Variants in KIF26B observed in about 807,000 individuals in gnomAD.
The protein encoded by KIF26B is kinesin family member 26B, also known as kinesin-like protein KIF26B.
In KIF26B, 63 loss-of-function variants were observed where a neutral mutation model predicts 151.2. The observed-to-expected ratio is 0.42, with a 90% confidence interval of 0.34 to 0.51. The LOEUF is 0.51. Among genes scored for constraint, KIF26B ranks in the 20% least tolerant of loss-of-function variants. The probability of loss-of-function intolerance (pLI) is 0.07; values close to 1 mark genes in which losing one functional copy is unlikely to be tolerated. For missense variants in KIF26B, 2,813 were observed against 2,913.6 expected (o/e 0.97, Z 0.79); for synonymous variants, 1,357 against 1,262.1 (o/e 1.08, Z -1.59).
chr1:245,607,234 C>T (rs888721927), intron 6 of KIF26B, among the ~76,000 whole-genome samples: 1 of 152,042 alleles, frequency 6.6e-6, no homozygotes, highest in African/African-American at 2.4e-5. Flanking sequence ...CTCTCATAAG[C>T]CTGGCCTGTT....
rs954988180 is a variant in KIF26B at position 245,331,156 on chromosome 1, C to A, written c.466-35678C>A. Among the ~76,000 whole-genome samples, 8 of 152,002 alleles carry A rather than the reference C, an allele frequency of 5.3e-5. No individual in the cohort carries two copies. In the South Asian group the frequency reaches 1.2e-3, roughly 24 times the overall value. On this transcript the variant is annotated intron_variant, in intron 2 of 14. Coordinates refer to ENST00000407071, the MANE Select transcript of KIF26B (RefSeq NM_018012.4). ...AGGGCCTGGGGGTGGCAGAGCAGAG[C>A]CTGCTGCGGAGGCACAGGCTTCTCA...
At chr1:245,534,206 AG>A (rs1661440171) in intron 4 of KIF26B, among the ~76,000 whole-genome samples, 2 of 151,504 alleles carry the variant, frequency 1.3e-5, no homozygotes, top group African/African-American at 2.4e-5. Flanking sequence ...GCTGTCCCCC[AG>A]GCTGGTGTGC....
Position 245,472,902 on chromosome 1 carries a change from CAA to C in KIF26B, c.1166+53159_1166+53160del, listed in dbSNP as rs900498694. ...ACAGTGGGCTCCCCCAGACTGGGCA[CAA>C]AGTTATTTACCTAATGTAGCCAAGA... On this transcript the variant is annotated intron_variant, in intron 4 of 14. Transcript: ENST00000407071. Among the ~76,000 whole-genome samples the C allele has an allele frequency of 3.3e-5, 5 of 152,194 alleles. 1 individual carries two copies. Among genetic ancestry groups the C allele is most frequent in the African/African-American group, 4.8e-5 (2 of 41,440 alleles).
chr1:245,592,292 C>T (rs962882124), intron 5 of KIF26B, among the ~76,000 whole-genome samples: 5 of 152,206 alleles, frequency 3.3e-5, no homozygotes, highest in Non-Finnish European at 5.9e-5. Context: ...CCCCACTGCC[C>T]GCCCCAGTCT....
intron 3 of KIF26B, among the ~76,000 whole-genome samples, chr1:245,377,619 TAGAC>T (rs562269099): frequency 2.1e-4 from 32 of 152,264 alleles, no homozygotes; most frequent in African/African-American, 4.6e-4. Flanking sequence ...TCTAAATAGA[TAGAC>T]AGACAGACAG....
chr1:245,505,980 G>T (rs1045383048), intron 4 of KIF26B, among the ~76,000 whole-genome samples: 1 of 152,120 alleles, frequency 6.6e-6, no homozygotes, highest in Non-Finnish European at 1.5e-5. Flanking sequence ...GGTATGATTC[G>T]TTTAGAGTTT....
At chr1:245,217,994 G>A (rs1288761316) in intron 2 of KIF26B, among the ~76,000 whole-genome samples, 3 of 152,158 alleles carry the variant, frequency 2.0e-5, no homozygotes, top group Non-Finnish European at 4.4e-5. Flanking sequence ...GTGGAACTGG[G>A]CTTAGTCCTG....
chr1:245,688,058 G>A lies in KIF26B; in HGVS notation c.5075G>A (p.Ser1692Asn). The change falls in exon 12 of 15, where the codon AGC becomes AAC. Residue 1692 changes from serine to asparagine, a missense_variant. Physicochemically the swap from Ser to Asn is conservative, Grantham distance 46. This residue lies in a region of KIF26B where 2,060 missense variants were observed against 2,088.6 expected (regional missense o/e 0.99). Coordinates refer to ENST00000407071, the MANE Select transcript of KIF26B (RefSeq NM_018012.4). ...LERAESLSSV[S>N]SRLHAGKDGT... ...CGGGCCGAGAGCCTGTCCTCCGTGA[G>A]CTCCCGGCTGCACGCGGGCAAGGAC... 1.3e-6 allele frequency: 2 copies of A among 1,553,234 alleles called. No individual in the cohort carries two copies. Among genetic ancestry groups the A allele is most frequent in the East Asian group, 2.4e-5 (1 of 41,204 alleles).
intron 5 of KIF26B, among the ~76,000 whole-genome samples, chr1:245,551,541 A>G (rs1661879577): frequency 6.6e-6 from 1 of 152,142 alleles, no homozygotes; most frequent in African/African-American, 2.4e-5. Flanking sequence ...CTTGTTCCGC[A>G]TTCTATAAAA....
chr1:245,172,770 A>C (rs1365408038), intron 2 of KIF26B, among the ~76,000 whole-genome samples: 1 of 152,210 alleles, frequency 6.6e-6, no homozygotes, highest in Non-Finnish European at 1.5e-5. Flanking sequence ...ATATTGCATC[A>C]CTGCGCTCCA....
At chr1:245,156,788 G>T in intron 2 of KIF26B, 105 bp downstream of exon 2, 1 of 662,742 alleles carries the variant, frequency 1.5e-6, no homozygotes, top group East Asian at 3.7e-5. Context: ...CCGGCTCCAC[G>T]CGAGAGCCCC....
intron 4 of KIF26B, among the ~76,000 whole-genome samples, chr1:245,502,419 C>A (rs543961964): frequency 6.6e-6 from 1 of 151,424 alleles, no homozygotes; most frequent in South Asian, 2.1e-4. Flanking sequence ...CCCAGCTACT[C>A]GGGAGGCTGA....
chr1:245,282,378 C>G (rs115420744), intron 2 of KIF26B, among the ~76,000 whole-genome samples: 84 of 152,260 alleles, frequency 5.5e-4, no homozygotes, highest in Admixed American at 1.2e-3. Flanking sequence ...AAAAGTTTCT[C>G]GTAAAGCCCA....
intron 2 of KIF26B, among the ~76,000 whole-genome samples, chr1:245,319,793 G>A (rs544385186): frequency 3.9e-5 from 6 of 152,172 alleles, no homozygotes; most frequent in Non-Finnish European, 8.8e-5. Context: ...GAGAAGAAGA[G>A]ACTGTGCATG....
chr1:245,237,737 T>C (rs752224165), intron 2 of KIF26B, among the ~76,000 whole-genome samples: 2 of 152,212 alleles, frequency 1.3e-5, no homozygotes, highest in African/African-American at 2.4e-5. Flanking sequence ...ATAAGAATAT[T>C]GTAGCTGGGT....
intron 3 of KIF26B, among the ~76,000 whole-genome samples, chr1:245,383,196 A>C (rs1009006862): frequency 1.3e-5 from 2 of 152,114 alleles, no homozygotes; most frequent in Admixed American, 1.3e-4. Flanking sequence ...ACCTAAAATA[A>C]TTAACATGCC....
intron 4 of KIF26B, among the ~76,000 whole-genome samples, chr1:245,525,447 G>A (rs1050399793): frequency 6.6e-6 from 1 of 152,194 alleles, no homozygotes; most frequent in African/African-American, 2.4e-5. Context: ...AAGATAAAGT[G>A]TTTGTAGCCC....
intron 9 of KIF26B, among the ~76,000 whole-genome samples, chr1:245,634,539 G>A (rs2043814945): frequency 1.3e-5 from 2 of 152,116 alleles, no homozygotes; most frequent in African/African-American, 4.8e-5. Flanking sequence ...TATCAGGAAT[G>A]ACTGAATTTT....
chr1:245,266,467 G>A (rs1164545111), intron 2 of KIF26B, among the ~76,000 whole-genome samples: 1 of 152,030 alleles, frequency 6.6e-6, no homozygotes, highest in African/African-American at 2.4e-5. Context: ...AGTCAGTCCA[G>A]GATTTGAATC....
Sources: allele counts gnomAD v4.1 joint callset (sites outside exome capture counted in the v4.1 genomes callset), GRCh38; gene constraint gnomAD v4.1.1; regional missense constraint gnomAD v4.1.1; transcripts MANE v1.5; gene names NCBI Gene and HGNC (gene_info 2026-07-23, HGNC 2026-07-21).